Variants in DENND1B observed in about 807,000 individuals in gnomAD.
The protein encoded by DENND1B is DENN domain-containing protein 1B.
Under a neutral mutation model 90.1 loss-of-function variants are expected in DENND1B, and 59 were observed. The observed-to-expected ratio is 0.65, with a 90% confidence interval of 0.53 to 0.81. DENND1B has a LOEUF of 0.81. DENND1B is among the 40% of genes least tolerant of loss of function. The pLI is 0.00. For missense variants in DENND1B, 862 were observed against 912.6 expected (o/e 0.94, Z 0.71); for synonymous variants, 337 against 324.6 (o/e 1.04, Z -0.41).
At chr1:197,653,171 A>G (rs1364969022) in intron 6 of DENND1B, among the ~76,000 whole-genome samples, 1 of 152,194 alleles carries the variant, frequency 6.6e-6, no homozygotes, top group African/African-American at 2.4e-5. Flanking sequence ...TTCATTCAAA[A>G]CTACCTATTT....
intron 2 of DENND1B, among the ~76,000 whole-genome samples, chr1:197,744,900 T>C (rs1663560078): frequency 6.6e-6 from 1 of 152,230 alleles, no homozygotes; most frequent in African/African-American, 2.4e-5. Context: ...AGCTTCTACA[T>C]CAGCACTTGC....
At chr1:197,601,573 G>T (rs1210470753) in intron 13 of DENND1B, among the ~76,000 whole-genome samples, 1 of 151,456 alleles carries the variant, frequency 6.6e-6, no homozygotes, top group Non-Finnish European at 1.5e-5. Flanking sequence ...ATGGGAGGAA[G>T]ACATTAAAAG....
At position 197,511,885 on chromosome 1, in the gene DENND1B, A is replaced by G. The variant is rs545592966; in HGVS notation, c.1658T>C (p.Val553Ala). The part of the protein sequence containing the change: ...SAYLYESDDS[V>A]ETRVKTPYSG... ...GTAAGGAGTCTTCACTCTTGTTTCA[A>G]CAGAGTCATCACTCTCATAGAGATA... Residue 553 changes from valine to alanine, a missense_variant, in exon 22 of 23, where the codon GTT becomes GCT. Physicochemically the swap from Val to Ala is moderately conservative, Grantham distance 64. Transcript: ENST00000620048. 1 of 1,611,224 alleles carries G rather than the reference A, an allele frequency of 6.2e-7. No individual in the cohort carries two copies. Among genetic ancestry groups the G allele is most frequent in the East Asian group, 2.2e-5 (1 of 44,804 alleles).
chr1:197,571,173 C>CCT (rs1673118329), intron 15 of DENND1B, among the ~76,000 whole-genome samples: 1 of 152,072 alleles, frequency 6.6e-6, no homozygotes, highest in African/African-American at 2.4e-5. Flanking sequence ...ACTTTTGCCA[C>CCT]CTCTCTCTCC....
chr1:197,728,578 A>G lies in DENND1B; in HGVS notation c.83-13504T>C, dbSNP rs551697797. Among the ~76,000 whole-genome samples the G allele has an allele frequency of 5.3e-5, 8 of 152,278 alleles. No homozygotes were observed. The East Asian group carries it at 1.5e-3, about 29-fold the overall frequency. On this transcript the variant is annotated intron_variant, in intron 2 of 22. Transcript: ENST00000620048. ...TCACACGCCTTCATCCTCTACGTCTAATCAGCTGCCTAACCATGTTAGTTA... is the reference window on the plus strand; with the variant it reads ...TCACACGCCTTCATCCTCTACGTCTGATCAGCTGCCTAACCATGTTAGTTA...
chr1:197,540,853 A>G, intron 19 of DENND1B, 106 bp downstream of exon 19: 1 of 1,021,108 alleles, frequency 9.8e-7, no homozygotes, highest in South Asian at 1.5e-5. Flanking sequence ...CAAAGGGCTA[A>G]GCATATTTCA....
At chr1:197,650,517 T>A (rs1653017569) in intron 7 of DENND1B, among the ~76,000 whole-genome samples, 1 of 152,138 alleles carries the variant, frequency 6.6e-6, no homozygotes, top group African/African-American at 2.4e-5. Context: ...CAGTACTGGG[T>A]ATCTATCAAG....
In DENND1B at chr1:197,595,342, C is replaced by G. The variant is rs1675589853; in HGVS notation, c.922-9G>C. The G allele has an allele frequency of 1.2e-6, 2 of 1,609,574 alleles. No individual in the cohort carries two copies. Among genetic ancestry groups the G allele is most frequent in the South Asian group, 2.2e-5 (2 of 90,554 alleles). ...TTTTTCAAGGCCGAGACCTGCATGA[C>G]AGAGAGGAACAGTTAAATTAACACC... On this transcript the variant is annotated splice_polypyrimidine_tract_variant and intron_variant, in intron 13 of 22. Coordinates refer to ENST00000620048, the MANE Select transcript of DENND1B (RefSeq NM_001195215.2).
intron 3 of DENND1B, among the ~76,000 whole-genome samples, chr1:197,714,385 A>G (rs781333945): frequency 6.6e-6 from 1 of 152,176 alleles, no homozygotes; most frequent in Admixed American, 6.6e-5. Flanking sequence ...CATAAAGTTT[A>G]AATGATTTTT....
rs1371152400 is a variant in DENND1B, at chr1:197,507,819, C to T, written c.*2641G>A. 6.6e-6 allele frequency: 1 copy of T among 151,564 alleles called. No individual in the cohort carries two copies. The highest frequency in any genetic ancestry group is 1.9e-4 in the East Asian group (1 of 5,142). 9.4% of individuals were successfully genotyped at this position (151,564 alleles called of 1,614,324 possible). ...ATACTAGGAAGTCTAAGTTTAAGAG[C>T]AGACTTTGAATATTCAAAATTTTAC... On this transcript the variant is annotated 3_prime_UTR_variant, in exon 23 of 23. Transcript: ENST00000620048.
chr1:197,687,285 A>C (rs578099591), intron 3 of DENND1B, among the ~76,000 whole-genome samples: 1 of 152,196 alleles, frequency 6.6e-6, no homozygotes, highest in Non-Finnish European at 1.5e-5. Flanking sequence ...AGTGATAATT[A>C]GATGAATTTA....
Position 197,583,203 on chromosome 1 carries a change from G to A in DENND1B, c.1098C>T (p.Ser366=), listed in dbSNP as rs371012442. ...CAGTTTCCAGGAACTGTTTCATCACGCTTGAGCGGTGCTTTACAAAACTCT... is the reference window on the plus strand; with the variant it reads ...CAGTTTCCAGGAACTGTTTCATCACACTTGAGCGGTGCTTTACAAAACTCT... The part of the protein sequence containing the change: ...CEESFVKHRS[S]VMKQFLETAI... The change falls in exon 15 of 23, where the codon AGC becomes AGT. Residue 366 remains serine (S), a synonymous_variant. Transcript: ENST00000620048. 60 of 1,613,862 alleles carry A rather than the reference G, an allele frequency of 3.7e-5. No individual in the cohort carries two copies. The highest frequency in any genetic ancestry group is 4.7e-5 in the Non-Finnish European group (56 of 1,179,816).
Position 197,617,882 on chromosome 1 carries a change from T to C in DENND1B, c.673-123A>G, listed in dbSNP as rs1677803394. On this transcript the variant is annotated intron_variant, in intron 10 of 22. Transcript: ENST00000620048. The stretch of plus-strand genomic sequence containing the variant: ...AATTTACATAACTACATAAATCACA[T>C]TGTCTTTATCACTTCTACATGTAAA... 4 of 691,384 alleles carry C rather than the reference T, an allele frequency of 5.8e-6. No homozygotes were observed. In the East Asian group the frequency reaches 1.1e-4, roughly 20 times the overall value. 42.8% of individuals were successfully genotyped at this position (691,384 alleles called of 1,614,324 possible). A position where few individuals can be genotyped will look rare whatever the true frequency, so the allele number is the denominator to read the frequency against.
At chr1:197,596,414 C>T (rs925666502) in intron 13 of DENND1B, among the ~76,000 whole-genome samples, 11 of 151,740 alleles carry the variant, frequency 7.2e-5, no homozygotes, top group Non-Finnish European at 1.0e-4. Flanking sequence ...TATTGGTTCT[C>T]ATATATATTC....
At chr1:197,542,725 G>A (rs1380399158) in intron 18 of DENND1B, among the ~76,000 whole-genome samples, 2 of 152,052 alleles carry the variant, frequency 1.3e-5, no homozygotes, top group African/African-American at 2.4e-5. Flanking sequence ...TTCAGAAAAT[G>A]AGCAGTCTGG....
intron 14 of DENND1B, among the ~76,000 whole-genome samples, chr1:197,588,517 A>G (rs2125788896): frequency 6.6e-6 from 1 of 152,304 alleles, no homozygotes; most frequent in South Asian, 2.1e-4. Context: ...AAACATCAAC[A>G]TTATACTTAT....
At chr1:197,605,139 A>G (rs1012172298) in intron 13 of DENND1B, among the ~76,000 whole-genome samples, 1 of 150,942 alleles carries the variant, frequency 6.6e-6, no homozygotes. Context: ...ATATTTTTAA[A>G]TATTTCAGTT....
At chr1:197,690,229 A>G (rs1373507411) in intron 3 of DENND1B, 3 of 285,050 alleles carry the variant, frequency 1.1e-5, no homozygotes, top group South Asian at 4.9e-5. Flanking sequence ...CGTCATGGCA[A>G]TGTTGCTGGT....
intron 7 of DENND1B, among the ~76,000 whole-genome samples, chr1:197,649,907 G>A (rs553002490): frequency 2.0e-5 from 3 of 152,134 alleles, no homozygotes; most frequent in African/African-American, 7.2e-5. Context: ...CAGGGCAAAA[G>A]GTACAGTAAG....
Sources: allele counts gnomAD v4.1 joint callset (sites outside exome capture counted in the v4.1 genomes callset), GRCh38; gene constraint gnomAD v4.1.1; transcripts MANE v1.5; gene names NCBI Gene and HGNC (gene_info 2026-07-23, HGNC 2026-07-21).